The following KCNIP4 variants were observed in gnomAD, a reference collection of about 807,000 sequenced individuals.
KCNIP4 encodes Kv channel-interacting protein 4.
In KCNIP4, 12 loss-of-function variants were observed where a neutral mutation model predicts 34.0. The observed-to-expected ratio is 0.35, with a 90% CI of 0.23 to 0.57. The LOEUF is 0.57. KCNIP4 is among the 20% of genes least tolerant of loss of function. The pLI is 0.83. For synonymous variants in KCNIP4, 124 were observed against 102.2 expected (o/e 1.21, Z -1.29); for missense variants, 238 against 311.7 (o/e 0.76, Z 1.78).
intron 1 of KCNIP4, among the ~76,000 whole-genome samples, chr4:21,761,771 T>G (rs978219670): frequency 7.2e-5 from 11 of 152,094 alleles, no homozygotes; most frequent in African/African-American, 2.4e-4. Flanking sequence ...GAAAATTGTA[T>G]TGTTTAACAA....
chr4:20,851,585 T>G (rs903195622), intron 2 of KCNIP4, among the ~76,000 whole-genome samples: 1 of 151,650 alleles, frequency 6.6e-6, no homozygotes, highest in Non-Finnish European at 1.5e-5. Flanking sequence ...TATTTCTGCC[T>G]CTAGGTCTTT....
intron 1 of KCNIP4, among the ~76,000 whole-genome samples, chr4:20,889,321 A>T (rs1420298414): frequency 6.6e-6 from 1 of 152,188 alleles, no homozygotes; most frequent in Non-Finnish European, 1.5e-5. Flanking sequence ...AAGGGACTAT[A>T]ATTCTTGTAC....
intron 1 of KCNIP4, among the ~76,000 whole-genome samples, chr4:20,889,566 T>A (rs1010612768): frequency 5.3e-5 from 8 of 152,222 alleles, no homozygotes; most frequent in African/African-American, 1.9e-4. Context: ...GACTTTTATT[T>A]TTTTGTGCCA....
chr4:21,447,460 T>C (rs1728130638), intron 1 of KCNIP4, among the ~76,000 whole-genome samples: 1 of 152,170 alleles, frequency 6.6e-6, no homozygotes, highest in African/African-American at 2.4e-5. Context: ...ACCAAGTATA[T>C]GCTAATTTAT....
chr4:20,885,753 AC>A (rs1331611568), intron 1 of KCNIP4, among the ~76,000 whole-genome samples: 4 of 152,208 alleles, frequency 2.6e-5, no homozygotes, highest in Non-Finnish European at 5.9e-5. Flanking sequence ...AGCACTTATC[AC>A]AGTGACAGCC....
At chr4:21,188,601 T>G (rs2109341348) in intron 1 of KCNIP4, among the ~76,000 whole-genome samples, 1 of 152,350 alleles carries the variant, frequency 6.6e-6, no homozygotes, top group African/African-American at 2.4e-5. Flanking sequence ...GTGTAAAAAC[T>G]ACTTTAAATG....
In KCNIP4 at chr4:21,888,160, A is replaced by C. The variant is rs938675230; in HGVS notation, c.61+60411T>G. Among the ~76,000 whole-genome samples the C allele has an allele frequency of 1.9e-4, 29 of 152,270 alleles. 1 individual carries two copies. Among genetic ancestry groups the C allele is most frequent in the Middle Eastern group, 3.4e-3 (1 of 294 alleles). On this transcript the variant is annotated intron_variant, in intron 1 of 8. Coordinates refer to ENST00000382152, the MANE Select transcript of KCNIP4 (RefSeq NM_025221.6). ...GTTAAGTGACTTACCCCAAGGTCTC[A>C]CAGAGCTGGGATTCAATCTTTGCTC...
chr4:20,854,143 T>TC (rs1312453205), intron 2 of KCNIP4, among the ~76,000 whole-genome samples: 7 of 152,258 alleles, frequency 4.6e-5, no homozygotes, highest in Admixed American at 3.3e-4. Context: ...CTACTGAGCA[T>TC]CCGCCCAAAG....
intron 1 of KCNIP4, among the ~76,000 whole-genome samples, chr4:21,078,318 A>C (rs944127655): frequency 1.3e-5 from 2 of 152,108 alleles, no homozygotes; most frequent in Non-Finnish European, 2.9e-5. Flanking sequence ...AACAAACATT[A>C]TGCTGAGTGG....
intron 1 of KCNIP4, among the ~76,000 whole-genome samples, chr4:21,759,493 C>G (rs367605584): frequency 2.0e-5 from 3 of 152,130 alleles, no homozygotes; most frequent in Non-Finnish European, 1.5e-5. Context: ...TCTTTGTAGT[C>G]AAAGAATCCT....
At chr4:21,666,061 C>CCT (rs1460039697) in intron 1 of KCNIP4, among the ~76,000 whole-genome samples, 1 of 152,192 alleles carries the variant, frequency 6.6e-6, no homozygotes, top group East Asian at 1.9e-4. Context: ...TCAAGGATTT[C>CCT]TCTGTTGCTC....
intron 1 of KCNIP4, among the ~76,000 whole-genome samples, chr4:21,715,341 A>T (rs1291480894): frequency 6.6e-6 from 1 of 152,054 alleles, no homozygotes; most frequent in Non-Finnish European, 1.5e-5. Context: ...CGTGTTGGCC[A>T]GGATGGTCTT....
intron 1 of KCNIP4, among the ~76,000 whole-genome samples, chr4:21,876,585 C>T (rs1726127755): frequency 6.6e-6 from 1 of 151,920 alleles, no homozygotes; most frequent in Non-Finnish European, 1.5e-5. Context: ...ATTTTAGAGC[C>T]AAATATACTC....
intron 1 of KCNIP4, among the ~76,000 whole-genome samples, chr4:21,209,846 T>C (rs937117642): frequency 6.6e-6 from 1 of 152,216 alleles, no homozygotes. Context: ...TGAGATTTCG[T>C]CATTAGTAAA....
intron 1 of KCNIP4, among the ~76,000 whole-genome samples, chr4:21,254,645 C>G (rs573549895): frequency 2.0e-5 from 3 of 152,290 alleles, no homozygotes; most frequent in African/African-American, 7.2e-5. Flanking sequence ...TGACCTACCT[C>G]CACTGCTTAA....
chr4:20,854,488 G>A (rs1048870515), intron 2 of KCNIP4, among the ~76,000 whole-genome samples: 10 of 152,112 alleles, frequency 6.6e-5, no homozygotes, highest in African/African-American at 1.7e-4. Flanking sequence ...GGGGACTTGC[G>A]GGGAAGAGTG....
At chr4:21,066,298 C>T (rs2108985317) in intron 1 of KCNIP4, among the ~76,000 whole-genome samples, 1 of 152,178 alleles carries the variant, frequency 6.6e-6, no homozygotes, top group South Asian at 2.1e-4. Context: ...CAGAAGAAGG[C>T]CAAGCAACAT....
chr4:21,818,467 G>A (rs1276134170), intron 1 of KCNIP4, among the ~76,000 whole-genome samples: 1 of 152,190 alleles, frequency 6.6e-6, no homozygotes, highest in Non-Finnish European at 1.5e-5. Context: ...GAAAACCCCT[G>A]ATACATATAC....
At chr4:21,726,803 C>A (rs185185294) in intron 1 of KCNIP4, among the ~76,000 whole-genome samples, 109 of 152,276 alleles carry the variant, frequency 7.2e-4, no homozygotes, top group Middle Eastern at 3.4e-3. Flanking sequence ...AGTAGATAAG[C>A]AATATATATG....
Sources: allele counts gnomAD v4.1 joint callset (sites outside exome capture counted in the v4.1 genomes callset), GRCh38; gene constraint gnomAD v4.1.1; transcripts MANE v1.5; gene names NCBI Gene and HGNC (gene_info 2026-07-23, HGNC 2026-07-21).